DECR1: variants seen among roughly 807,000 people sequenced by gnomAD.
DECR1 encodes 2,4-dienoyl-CoA reductase [(3E)-enoyl-CoA-producing], mitochondrial.
DECR1 carries 44 observed loss-of-function variants against 38.8 expected under a neutral mutation model. The observed-to-expected ratio is 1.13, with a 90% CI of 0.89 to 1.46. The LOEUF (loss-of-function observed/expected upper bound fraction) is 1.46, where lower values mean the gene tolerates loss of function less well. Ranked by LOEUF, DECR1 falls within the 40% of genes most tolerant of loss-of-function variation. DECR1 has a pLI of 0.00. For missense variants in DECR1, 428 were observed against 405.5 expected, an observed-to-expected ratio of 1.06 and a Z score of -0.48; for synonymous variants, 148 against 135.2, an observed-to-expected ratio of 1.09 and a Z score of -0.66.
At chr8:90,033,614 T>C (rs1222943412) in intron 5 of DECR1, among the ~76,000 whole-genome samples, 1 of 152,218 alleles carries the variant, frequency 6.6e-6, no homozygotes, top group Non-Finnish European at 1.5e-5. Context: ...ACAGTGCAGT[T>C]TCAAACCTTT....
intron 6 of DECR1, among the ~76,000 whole-genome samples, chr8:90,038,612 C>T (rs1015604109): frequency 1.3e-5 from 2 of 151,972 alleles, no homozygotes; most frequent in Admixed American, 1.3e-4. Flanking sequence ...GCATATGCCA[C>T]CACACCTGGC....
intron 1 of DECR1, among the ~76,000 whole-genome samples, chr8:90,011,563 A>C (rs1439350270): frequency 3.3e-5 from 5 of 152,194 alleles, no homozygotes; most frequent in Non-Finnish European, 7.4e-5. Context: ...TAACAAAATT[A>C]AGCTTTCCAG....
chr8:90,016,452 T>C (rs1389585478), intron 1 of DECR1, among the ~76,000 whole-genome samples: 1 of 152,054 alleles, frequency 6.6e-6, no homozygotes, highest in Non-Finnish European at 1.5e-5. Flanking sequence ...CTAGCCAACA[T>C]GGTGAAACCC....
In DECR1 at chr8:90,014,867, G is replaced by A. The variant is rs571715429; in HGVS notation, c.70-2257G>A. On this transcript the variant is annotated intron_variant, in intron 1 of 9. Coordinates refer to ENST00000220764, the MANE Select transcript of DECR1 (RefSeq NM_001359.2). ...TTCATCATCTTAATGTAATAGTTCT[G>A]AAGGCAGGTGGCAGCTTTAAGGAAA... Among the ~76,000 whole-genome samples the A allele has an allele frequency of 2.0e-4, 31 of 152,168 alleles. 1 individual carries two copies. The South Asian group carries it at 6.4e-3, about 32-fold the overall frequency.
chr8:90,042,765 T>C lies in DECR1; in HGVS notation c.703T>C (p.Phe235Leu), dbSNP rs1397405202. 1 of 1,613,544 alleles carries C rather than the reference T, an allele frequency of 6.2e-7. No homozygotes were observed. Among genetic ancestry groups the C allele is most frequent in the Non-Finnish European group, 8.5e-7 (1 of 1,179,674 alleles). Residue 235 changes from phenylalanine (F) to leucine (L), a missense_variant, in exon 7 of 10, where the codon TTC becomes CTC. Physicochemically the swap from Phe to Leu is conservative, Grantham distance 22. Transcript: ENST00000220764. ...AAEWGKYGMR[F>L]NVIQPGPIKT... ...TGAATGGGGTAAATATGGAATGCGA[T>C]TCAATGTGATTCAACCAGGGCCTAT...
chr8:90,002,450 A>G (rs771278047), intron 1 of DECR1, among the ~76,000 whole-genome samples: 3 of 152,156 alleles, frequency 2.0e-5, no homozygotes, highest in Non-Finnish European at 4.4e-5. Flanking sequence ...GGAAATAGCT[A>G]GGAAGTGAAA....
intron 6 of DECR1, chr8:90,042,429 G>A: frequency 3.3e-6 from 1 of 304,948 alleles, no homozygotes; most frequent in South Asian, 6.4e-5. Flanking sequence ...GGTAGGTGGT[G>A]TAGCATAGTG....
At chr8:90,046,470 TGAGAA>T (rs1380776903) in intron 8 of DECR1, among the ~76,000 whole-genome samples, 5 of 152,024 alleles carry the variant, frequency 3.3e-5, no homozygotes, top group African/African-American at 1.2e-4. Context: ...TGAAATGAAG[TGAGAA>T]GAGAAGTTTA....
intron 1 of DECR1, among the ~76,000 whole-genome samples, chr8:90,003,947 CAAAA>C (rs1812680528): frequency 6.6e-6 from 1 of 150,884 alleles, no homozygotes; most frequent in East Asian, 2.0e-4. Context: ...ATCTCAAAAA[CAAAA>C]AAATGGAATA....
At chr8:90,050,836 A>G (rs1041332405) in intron 8 of DECR1, among the ~76,000 whole-genome samples, 5 of 152,218 alleles carry the variant, frequency 3.3e-5, no homozygotes, top group Non-Finnish European at 7.3e-5. Context: ...ATGGAATACT[A>G]TGCAGACATA....
At chr8:90,043,195 T>G (rs1356739484) in intron 7 of DECR1, among the ~76,000 whole-genome samples, 1 of 152,178 alleles carries the variant, frequency 6.6e-6, no homozygotes, top group Non-Finnish European at 1.5e-5. Flanking sequence ...ATTTTTAGTT[T>G]GAGAGATGCT....
chr8:90,042,872 T>G, intron 7 of DECR1, 72 bp downstream of exon 7: 2 of 1,361,880 alleles, frequency 1.5e-6, no homozygotes, highest in Non-Finnish European at 2.1e-6. Flanking sequence ...ATATTCTGGT[T>G]GTTGTGTAAA....
At chr8:90,015,733 C>T in intron 1 of DECR1, 1 of 449,864 alleles carries the variant, frequency 2.2e-6, no homozygotes, top group Admixed American at 2.4e-5. Flanking sequence ...ATCACATAAC[C>T]TCCCTGGTGT....
intron 5 of DECR1, chr8:90,029,150 G>C (rs1430497408): frequency 3.3e-5 from 5 of 152,140 alleles, no homozygotes; most frequent in Non-Finnish European, 5.9e-5. Context: ...CAGTTAGTGA[G>C]TGACGATATT....
At chr8:90,040,493 A>C in intron 6 of DECR1, among the ~76,000 whole-genome samples, 1 of 152,114 alleles carries the variant, frequency 6.6e-6, no homozygotes, top group East Asian at 1.9e-4. Flanking sequence ...TTAAAATTAT[A>C]CTTTAAGTTC....
rs1438068824 is a variant in DECR1 at position 90,052,677 on chromosome 8, C to T, written c.*780C>T. Reference sequence around the variant, plus strand: ...CTCTGGGTAAAAGAGGTAAAGAAAGCCTATAAAATATTTTTGTATATCATT... The same window carrying T: ...CTCTGGGTAAAAGAGGTAAAGAAAGTCTATAAAATATTTTTGTATATCATT... On this transcript the variant is annotated 3_prime_UTR_variant, in exon 10 of 10. Coordinates refer to ENST00000220764, the MANE Select transcript of DECR1 (RefSeq NM_001359.2). 6.6e-6 allele frequency among the ~76,000 whole-genome samples: 1 copy of T among 151,992 alleles called. No individual in the cohort carries two copies. The highest frequency in any genetic ancestry group is 2.4e-5 in the African/African-American group (1 of 41,370).
intron 5 of DECR1, among the ~76,000 whole-genome samples, chr8:90,022,272 T>C (rs1476203145): frequency 6.6e-6 from 1 of 152,134 alleles, no homozygotes; most frequent in Admixed American, 6.6e-5. Flanking sequence ...TTTCTTCTTT[T>C]GTGCAGCGCA....
At chr8:90,038,589 G>A (rs1813674136) in intron 6 of DECR1, among the ~76,000 whole-genome samples, 1 of 151,546 alleles carries the variant, frequency 6.6e-6, no homozygotes, top group Admixed American at 6.6e-5. Context: ...CTTCCAAGGA[G>A]CTGAGATTAC....
intron 8 of DECR1, 133 bp downstream of exon 8, chr8:90,045,128 A>C: frequency 1.4e-6 from 1 of 700,682 alleles, no homozygotes; most frequent in Non-Finnish European, 2.3e-6. Context: ...TAAATAATAT[A>C]AAATATTATA....
Sources: gnomAD v4.1 joint callset for allele counts (sites outside exome capture counted in the v4.1 genomes callset) on GRCh38, gnomAD v4.1.1 for gene constraint, MANE v1.5 for transcripts, NCBI Gene and HGNC (gene_info 2026-07-23, HGNC 2026-07-21) for gene names.